Variants in NEBL observed in about 807,000 individuals in gnomAD.
The protein encoded by NEBL is LIM and SH3 protein 2.
In NEBL, 122 loss-of-function variants were observed where a neutral mutation model predicts 140.2. The ratio of observed to expected loss-of-function variants is 0.87; its 90% confidence interval spans 0.75 to 1.01. The LOEUF is 1.01. Ranked by LOEUF, NEBL falls within the 50% of genes least tolerant of loss-of-function variation. The probability of loss-of-function intolerance (pLI) is 0.00; values close to 1 mark genes in which losing one functional copy is unlikely to be tolerated. For synonymous variants in NEBL, 436 were observed against 398.9 expected, an observed-to-expected ratio of 1.09 and a Z score of -1.11; for missense variants, 1,365 against 1,231.3, an observed-to-expected ratio of 1.11 and a Z score of -1.62.
intron 7 of NEBL, among the ~76,000 whole-genome samples, chr10:20,864,504 G>A (rs1284431033): frequency 1.3e-5 from 2 of 152,168 alleles, no homozygotes; most frequent in African/African-American, 4.8e-5. Context: ...GATAAAAGGT[G>A]AGAATCCTGC....
intron 23 of NEBL, 45 bp from the exon 24 acceptor site, chr10:20,812,985 C>T (rs373342123): frequency 6.6e-7 from 1 of 1,506,562 alleles, no homozygotes; most frequent in East Asian, 2.3e-5. Context: ...GGATAGTTAC[C>T]TCTTTCACAA....
Position 20,869,823 on chromosome 10 carries a change from C to T in NEBL, c.499G>A (p.Val167Met), listed in dbSNP as rs767732816. The change falls in exon 6 of 28, where the codon GTG becomes ATG. Residue 167 changes from valine to methionine, a missense_variant. Physicochemically the swap from Val to Met is conservative, Grantham distance 21 (BLOSUM62 1). Coordinates refer to ENST00000377122, the MANE Select transcript of NEBL (RefSeq NM_006393.3). ...GCACTGTACGTGTGGGTGTCCTGCA[C>T]GTCTTTCCTATAAGAAATCTGATCA... ...HQSNISYRKD[V>M]QDTHTYSAEL... 14 of 1,611,936 alleles carry T rather than the reference C, an allele frequency of 8.7e-6. No homozygotes were observed. Among genetic ancestry groups the T allele is most frequent in the South Asian group, 7.7e-5 (7 of 91,036 alleles).
At chr10:20,874,706 T>C (rs1030157064) in intron 5 of NEBL, among the ~76,000 whole-genome samples, 2 of 152,176 alleles carry the variant, frequency 1.3e-5, no homozygotes, top group Non-Finnish European at 2.9e-5. Context: ...TCACGAAATC[T>C]AGAGAGTTCT....
intron 23 of NEBL, 38 bp downstream of exon 23, chr10:20,813,901 C>T: frequency 7.6e-7 from 1 of 1,316,168 alleles, no homozygotes. Flanking sequence ...TCCGCCCATT[C>T]CTTAGCATGT....
chr10:21,234,347 G>T lies in NEBL; in HGVS notation n.348+13574C>A, dbSNP rs549194359. Among the ~76,000 whole-genome samples the T allele has an allele frequency of 4.6e-5, 7 of 152,154 alleles. No individual in the cohort carries two copies. In the South Asian group the frequency reaches 1.5e-3, roughly 32 times the overall value. On this transcript the variant is annotated intron_variant and non_coding_transcript_variant, in intron 3 of 8. Coordinates refer to the NEBL transcript ENST00000675702. Reference sequence around the variant, plus strand: ...TATCCTATCAGTAATGAGTTCACCAGAGAGCGGGTTGTTTAAAGAGCCTGG... The same window carrying T: ...TATCCTATCAGTAATGAGTTCACCATAGAGCGGGTTGTTTAAAGAGCCTGG...
intron 2 of NEBL, among the ~76,000 whole-genome samples, chr10:21,131,666 G>C (rs957516247): frequency 4.0e-5 from 5 of 123,794 alleles, no homozygotes; most frequent in Admixed American, 3.8e-4. Context: ...TGGTGTGTAT[G>C]ACAGGTCATG....
chr10:20,831,386 G>A, intron 15 of NEBL, 80 bp from the exon 16 acceptor site: 1 of 1,494,154 alleles, frequency 6.7e-7, no homozygotes. Context: ...GAATCTCAAA[G>A]CCACCCATGT....
At chr10:21,255,989 A>G (rs1235931370) in intron 1 of NEBL, among the ~76,000 whole-genome samples, 2 of 151,778 alleles carry the variant, frequency 1.3e-5, no homozygotes, top group Non-Finnish European at 2.9e-5. Context: ...CTCAAAAAAA[A>G]AAAAGAAAAA....
intron 2 of NEBL, among the ~76,000 whole-genome samples, chr10:21,109,736 A>G (rs556752457): frequency 6.6e-6 from 1 of 152,264 alleles, no homozygotes; most frequent in Admixed American, 6.5e-5. Context: ...GGGAGAATGT[A>G]TGTGTCCAGG....
At position 20,806,074 on chromosome 10, in the gene NEBL, A is replaced by G. The variant is rs143836320; in HGVS notation, c.2761+2436T>C. ...TTCCAATGAGACATTTTCTCATTCA[A>G]TTTGGCTTAGGATAGGGTCCTCTTG... On this transcript the variant is annotated intron_variant, in intron 26 of 27. Transcript: ENST00000377122. Among the ~76,000 whole-genome samples, 420 of 152,232 alleles carry G rather than the reference A, an allele frequency of 2.8e-3. 3 individuals are homozygous for G. Among genetic ancestry groups the G allele is most frequent in the African/African-American group, 9.2e-3 (381 of 41,504 alleles).
intron 13 of NEBL, among the ~76,000 whole-genome samples, chr10:20,837,257 C>T (rs1351851572): frequency 1.3e-5 from 2 of 152,284 alleles, no homozygotes; most frequent in Non-Finnish European, 1.5e-5. Context: ...ATTAACAGTG[C>T]TACCCCAGTG....
rs1421557001 is a variant in NEBL, at chr10:21,223,787, ATGATGT to A, written n.348+24128_348+24133del. On this transcript the variant is annotated intron_variant and non_coding_transcript_variant, in intron 3 of 8. Coordinates refer to the NEBL transcript ENST00000675702. ...TTGATTTGCATTTCTCTGATGATCA[ATGATGT>A]TGAGCACCTTTTCATTTATCTGTTT... Among the ~76,000 whole-genome samples, 7 of 152,328 alleles carry A rather than the reference ATGATGT, an allele frequency of 4.6e-5. No individual in the cohort carries two copies. In the East Asian group the frequency reaches 7.7e-4, roughly 17 times the overall value.
At chr10:20,898,641 TAGA>T (rs1847688440), upstream of NEBL, among the ~76,000 whole-genome samples, 2 of 151,622 alleles carry the variant, frequency 1.3e-5, no homozygotes, top group African/African-American at 4.9e-5. Flanking sequence ...CCCTGCCACT[TAGA>T]GATCTACAAG....
chr10:21,004,667 T>C (rs145243777), intron 3 of NEBL, among the ~76,000 whole-genome samples: 2,760 of 151,038 alleles, frequency 0.018, 75 homozygotes, highest in African/African-American at 0.063. Context: ...TTGCAGTGAG[T>C]CGAGATTGCA....
chr10:20,794,157 G>A (rs577405491), intron 26 of NEBL, among the ~76,000 whole-genome samples: 12 of 152,330 alleles, frequency 7.9e-5, no homozygotes, highest in Admixed American at 5.9e-4. Context: ...GCCACGAGGC[G>A]AGGGGAAGCG....
chr10:21,125,518 A>G (rs1838783210), intron 2 of NEBL, among the ~76,000 whole-genome samples: 1 of 152,178 alleles, frequency 6.6e-6, no homozygotes, highest in Non-Finnish European at 1.5e-5. Context: ...CCTGCTAAAT[A>G]AAGCCTCAAA....
At chr10:21,122,285 C>T (rs570761103) in intron 2 of NEBL, among the ~76,000 whole-genome samples, 13 of 152,112 alleles carry the variant, frequency 8.5e-5, no homozygotes, top group Middle Eastern at 3.4e-3. Flanking sequence ...CTCAGCCTCC[C>T]AAAGTACTGG....
chr10:20,849,024 T>C (rs1431890454), intron 11 of NEBL, among the ~76,000 whole-genome samples: 2 of 152,214 alleles, frequency 1.3e-5, no homozygotes, highest in African/African-American at 2.4e-5. Flanking sequence ...GATGTTGTTA[T>C]TGGGCAACAG....
intron 2 of NEBL, among the ~76,000 whole-genome samples, chr10:21,145,072 A>C (rs1258155093): frequency 6.6e-6 from 1 of 152,224 alleles, no homozygotes; most frequent in Non-Finnish European, 1.5e-5. Context: ...TAGAACAAGA[A>C]ACCAAAAATA....
Sources: gnomAD v4.1 joint callset for allele counts (sites outside exome capture counted in the v4.1 genomes callset) on GRCh38, gnomAD v4.1.1 for gene constraint, MANE v1.5 for transcripts, NCBI Gene and HGNC (gene_info 2026-07-23, HGNC 2026-07-21) for gene names.